Variants in PCGF6 observed in about 807,000 individuals in gnomAD.
The protein encoded by PCGF6 is polycomb group RING finger protein 6.
PCGF6 carries 24 observed loss-of-function variants against 45.5 expected under a neutral mutation model. That is an observed-to-expected ratio of 0.53 (90% CI 0.38 to 0.74). The LOEUF is 0.74. Among genes scored for constraint, PCGF6 ranks in the 30% least tolerant of loss-of-function variants. The probability of loss-of-function intolerance (pLI) is 0.00; values close to 1 mark genes in which losing one functional copy is unlikely to be tolerated. For synonymous variants in PCGF6, 152 were observed against 162.1 expected (o/e 0.94, Z 0.47); for missense variants, 356 against 443.2 (o/e 0.80, Z 1.77).
intron 6 of PCGF6, among the ~76,000 whole-genome samples, chr10:103,339,591 C>T (rs1032966332): frequency 6.7e-6 from 1 of 150,270 alleles, no homozygotes; most frequent in Non-Finnish European, 1.5e-5. Flanking sequence ...GAGTTCGAGA[C>T]CAGCCTGGCC....
At chr10:103,321,982 G>A (rs1260714413) in intron 8 of PCGF6, among the ~76,000 whole-genome samples, 3 of 150,352 alleles carry the variant, frequency 2.0e-5, no homozygotes, top group Admixed American at 6.7e-5. Flanking sequence ...TGCAACCTCC[G>A]CTTCCTAGGT....
At chr10:103,306,641 G>A (rs887457106) in intron 9 of PCGF6, among the ~76,000 whole-genome samples, 2 of 152,080 alleles carry the variant, frequency 1.3e-5, no homozygotes, top group Non-Finnish European at 2.9e-5. Flanking sequence ...TGTGTTCCTG[G>A]CAATTACAGT....
chr10:103,338,133 C>T (rs1338597194), intron 6 of PCGF6, among the ~76,000 whole-genome samples: 7 of 151,288 alleles, frequency 4.6e-5, no homozygotes, highest in Non-Finnish European at 1.0e-4. Flanking sequence ...CCCAGTTACC[C>T]GGGAGGCTGA....
chr10:103,341,325 C>CGGA (rs1186307142), intron 6 of PCGF6, among the ~76,000 whole-genome samples: 1 of 151,696 alleles, frequency 6.6e-6, no homozygotes, highest in African/African-American at 2.4e-5. Flanking sequence ...GGCACTATCT[C>CGGA]GGCTCACCAC....
chr10:103,325,775 T>G (rs575075230), intron 8 of PCGF6, among the ~76,000 whole-genome samples: 5 of 151,614 alleles, frequency 3.3e-5, no homozygotes, highest in Non-Finnish European at 5.9e-5. Context: ...TCCTAGTGCT[T>G]TGGGAAGCTG....
At chr10:103,339,810 A>AC (rs1554865095) in intron 6 of PCGF6, among the ~76,000 whole-genome samples, 74 of 32,230 alleles carry the variant, frequency 2.3e-3, no homozygotes, top group Admixed American at 6.5e-3. Context: ...TCAAAAAAAA[A>AC]ACACACACAC....
At chr10:103,343,742 A>G (rs1312750858) in intron 6 of PCGF6, among the ~76,000 whole-genome samples, 5 of 147,930 alleles carry the variant, frequency 3.4e-5, no homozygotes, top group Non-Finnish European at 7.4e-5. Flanking sequence ...CTGAGGCAGG[A>G]GAATCCCCTG....
intron 8 of PCGF6, among the ~76,000 whole-genome samples, chr10:103,321,660 C>T (rs1377396398): frequency 3.3e-5 from 5 of 151,816 alleles, no homozygotes; most frequent in Admixed American, 2.6e-4. Context: ...TGCAGTGAGC[C>T]GAGATCGCGC....
Position 103,339,811 on chromosome 10 carries a change from ACACACACACACACACACAC to A in PCGF6, c.782+5194_782+5212del, listed in dbSNP as rs1250738217. 6.7e-4 allele frequency among the ~76,000 whole-genome samples: 30 copies of A among 45,022 alleles called. No individual in the cohort carries two copies. The South Asian group carries it at 8.8e-3, about 13-fold the overall frequency. 29.5% of individuals were successfully genotyped at this position (45,022 alleles called of 152,430 possible). A position where few individuals can be genotyped will look rare whatever the true frequency, so the allele number is the denominator to read the frequency against. The stretch of plus-strand genomic sequence containing the variant: ...AAATTCTGTCTGTCTCAAAAAAAAA[ACACACACACACACACACAC>A]ACACACACACACACACACACACACA... On this transcript the variant is annotated intron_variant, in intron 6 of 9. Transcript: ENST00000369847.
intron 8 of PCGF6, among the ~76,000 whole-genome samples, chr10:103,320,832 A>G (rs1449680514): frequency 2.6e-5 from 4 of 151,530 alleles, no homozygotes; most frequent in African/African-American, 2.4e-5. Flanking sequence ...TGAAGGTCAC[A>G]TATCTGTAAA....
intron 3 of PCGF6, among the ~76,000 whole-genome samples, chr10:103,347,847 C>T (rs187665797): frequency 1.3e-5 from 2 of 152,252 alleles, no homozygotes; most frequent in East Asian, 3.9e-4. Context: ...CGTGACACCA[C>T]GCCTGGTTAA....
chr10:103,307,739 C>T (rs570961234), intron 9 of PCGF6, among the ~76,000 whole-genome samples: 12 of 152,204 alleles, frequency 7.9e-5, no homozygotes, highest in Middle Eastern at 3.4e-3. Flanking sequence ...TCCCAGAATA[C>T]GGGGATTACA....
chr10:103,308,899 TA>T (rs1352720376), intron 9 of PCGF6, among the ~76,000 whole-genome samples: 1 of 151,802 alleles, frequency 6.6e-6, no homozygotes, highest in East Asian at 1.9e-4. Context: ...TAAATAAAAA[TA>T]AAAAAATTAA....
At chr10:103,320,163 T>C (rs1018363972) in intron 8 of PCGF6, among the ~76,000 whole-genome samples, 1 of 152,096 alleles carries the variant, frequency 6.6e-6, no homozygotes, top group Non-Finnish European at 1.5e-5. Context: ...AAATATCACA[T>C]CTTATAGAAG....
At chr10:103,340,495 G>C (rs1458882961) in intron 6 of PCGF6, among the ~76,000 whole-genome samples, 1 of 151,908 alleles carries the variant, frequency 6.6e-6, no homozygotes, top group Non-Finnish European at 1.5e-5. Context: ...CCCATCACAC[G>C]TTTACCATCG....
chr10:103,328,135 G>A (rs890383805), intron 7 of PCGF6, among the ~76,000 whole-genome samples: 8 of 152,104 alleles, frequency 5.3e-5, no homozygotes, highest in Middle Eastern at 3.2e-3. Context: ...GACAACTAAC[G>A]ATGCTACGAC....
intron 7 of PCGF6, among the ~76,000 whole-genome samples, chr10:103,329,012 TG>T (rs2093229748): frequency 6.6e-6 from 1 of 151,812 alleles, no homozygotes; most frequent in Admixed American, 6.6e-5. Flanking sequence ...CCCGAAGTGC[TG>T]GGATTACAGG....
intron 9 of PCGF6, among the ~76,000 whole-genome samples, chr10:103,305,626 A>G (rs975415679): frequency 2.6e-5 from 4 of 152,134 alleles, no homozygotes; most frequent in Non-Finnish European, 4.4e-5. Flanking sequence ...AGACTCAACT[A>G]CTACAACGCA....
At position 103,345,107 on chromosome 10, in the gene PCGF6, G is replaced by T; in HGVS notation, c.699C>A (p.Ser233Arg). The T allele has an allele frequency of 6.2e-7, 1 of 1,612,274 alleles. No homozygotes were observed. The highest frequency in any genetic ancestry group is 8.5e-7 in the Non-Finnish European group (1 of 1,178,982). The change falls in exon 6 of 10, where the codon AGC becomes AGA. Residue 233 changes from serine to arginine, a missense_variant. By Grantham distance (110) the Ser-to-Arg change is moderately radical. This residue lies in a region of PCGF6 where 307 missense variants were observed against 350.1 expected (regional missense o/e 0.88). Transcript: ENST00000369847. ...KPAVPQPVPS[S>R]KGRSKKVLES... ...CTAGGACTTTTTTAGATCTTCCTTTGCTTGAAGGGACTGGCTGTGGAACAG... is the reference window on the plus strand; with the variant it reads ...CTAGGACTTTTTTAGATCTTCCTTTTCTTGAAGGGACTGGCTGTGGAACAG...
Sources: allele counts gnomAD v4.1 joint callset (sites outside exome capture counted in the v4.1 genomes callset), GRCh38; gene constraint gnomAD v4.1.1; regional missense constraint gnomAD v4.1.1; transcripts MANE v1.5; gene names NCBI Gene and HGNC (gene_info 2026-07-23, HGNC 2026-07-21).